TTC7A: variants seen among roughly 807,000 people sequenced by gnomAD.
The protein encoded by TTC7A is tetratricopeptide repeat protein 7A.
A neutral mutation model predicts 103.7 loss-of-function variants in TTC7A; 110 were observed. The ratio of observed to expected loss-of-function variants is 1.06; its 90% CI spans 0.91 to 1.24. The LOEUF (loss-of-function observed/expected upper bound fraction) is 1.24. Among genes scored for constraint, TTC7A ranks in the 50% most tolerant of loss-of-function variants. TTC7A has a pLI of 0.00. For synonymous variants in TTC7A, 521 were observed against 467.9 expected, an observed-to-expected ratio of 1.11 and a Z score of -1.47; for missense variants, 1,340 against 1,116.3, an observed-to-expected ratio of 1.20 and a Z score of -2.86.
At chr2:46,999,982 A>G (rs780172971) in intron 8 of TTC7A, 1 of 889,070 alleles carries the variant, frequency 1.1e-6, no homozygotes, top group Non-Finnish European at 1.3e-6. Flanking sequence ...TCTTGAATTT[A>G]CCATTCACAA....
At chr2:46,920,518 A>G (rs1046489891) in intron 2 of TTC7A, among the ~76,000 whole-genome samples, 1 of 151,874 alleles carries the variant, frequency 6.6e-6, no homozygotes, top group Non-Finnish European at 1.5e-5. Flanking sequence ...TTTAGTAGAG[A>G]TGGGGTTTCA....
At chr2:46,934,471 C>A (rs968940759) in intron 2 of TTC7A, among the ~76,000 whole-genome samples, 2 of 152,044 alleles carry the variant, frequency 1.3e-5, no homozygotes, top group African/African-American at 2.4e-5. Flanking sequence ...GTTGGCCAGG[C>A]TGGTCTTGAA....
chr2:47,030,578 C>G (rs969481114), intron 15 of TTC7A, among the ~76,000 whole-genome samples: 1 of 152,214 alleles, frequency 6.6e-6, no homozygotes, highest in African/African-American at 2.4e-5. Context: ...CCATAATGTG[C>G]CTCCCTGAAG....
upstream of TTC7A, among the ~76,000 whole-genome samples, chr2:46,938,938 G>C (rs1157013561): frequency 6.6e-6 from 1 of 151,744 alleles, no homozygotes; most frequent in African/African-American, 2.4e-5. Context: ...TTGAACCTGG[G>C]AGGCGGAGGT....
At chr2:47,016,254 A>C (rs753539669) in intron 11 of TTC7A, among the ~76,000 whole-genome samples, 1 of 152,226 alleles carries the variant, frequency 6.6e-6, no homozygotes, top group South Asian at 2.1e-4. Context: ...ATGTCCTTCA[A>C]TGCATCCTTT....
At chr2:46,983,706 C>T (rs185566565) in intron 5 of TTC7A, among the ~76,000 whole-genome samples, 1 of 152,240 alleles carries the variant, frequency 6.6e-6, no homozygotes, top group Non-Finnish European at 1.5e-5. Flanking sequence ...CACAGCCATG[C>T]CCCTTCATTT....
intron 19 of TTC7A, chr2:47,068,144 C>T (rs567056744): frequency 6.6e-6 from 1 of 152,160 alleles, no homozygotes; most frequent in African/African-American, 2.4e-5. Context: ...GAGGCCCTGA[C>T]CTACCGCCAT....
At chr2:47,070,964 T>C (rs9973596) in intron 19 of TTC7A, among the ~76,000 whole-genome samples, 129,634 of 152,186 alleles carry the variant, frequency 0.85, 55,336 homozygotes, top group East Asian at 0.95. Context: ...GTGGGGCACA[T>C]CCTCACCAGG....
intron 2 of TTC7A, among the ~76,000 whole-genome samples, chr2:46,934,168 AT>A (rs1238024961): frequency 6.6e-6 from 1 of 152,250 alleles, no homozygotes; most frequent in Non-Finnish European, 1.5e-5. Flanking sequence ...TGGCTTTACT[AT>A]TGCAGGAAAC....
At chr2:46,974,049 G>T (rs984103938) in intron 3 of TTC7A, among the ~76,000 whole-genome samples, 1 of 152,192 alleles carries the variant, frequency 6.6e-6, no homozygotes, top group Non-Finnish European at 1.5e-5. Flanking sequence ...AGGCTCAATC[G>T]TCCAAAGTGT....
intron 7 of TTC7A, among the ~76,000 whole-genome samples, chr2:46,994,858 T>A (rs905345916): frequency 6.6e-6 from 1 of 152,224 alleles, no homozygotes; most frequent in Admixed American, 6.5e-5. Flanking sequence ...GGCTTCTCCC[T>A]GCTTCTTGCC....
At chr2:47,046,526 G>A in intron 16 of TTC7A, 95 bp downstream of exon 16, 1 of 928,908 alleles carries the variant, frequency 1.1e-6, no homozygotes, top group Admixed American at 1.8e-5. Flanking sequence ...AAGATGGGGA[G>A]GAGAGTGAGG....
chr2:46,975,319 C>T (rs1673769883), intron 4 of TTC7A, among the ~76,000 whole-genome samples: 1 of 152,150 alleles, frequency 6.6e-6, no homozygotes, highest in Non-Finnish European at 1.5e-5. Context: ...ATAAATGAGT[C>T]CATGCCATCC....
At chr2:46,961,810 G>T (rs1003699888) in intron 3 of TTC7A, among the ~76,000 whole-genome samples, 10 of 152,196 alleles carry the variant, frequency 6.6e-5, no homozygotes, top group African/African-American at 2.4e-4. Flanking sequence ...AGCTACTTGG[G>T]AGGCTGGAGA....
intron 14 of TTC7A, among the ~76,000 whole-genome samples, chr2:47,025,781 C>T (rs778587651): frequency 6.6e-6 from 1 of 152,150 alleles, no homozygotes; most frequent in Non-Finnish European, 1.5e-5. Context: ...TCCCTCCATC[C>T]TCCTCCACCT....
chr2:47,060,799 A>G lies in TTC7A; in HGVS notation c.2183A>G (p.Lys728Arg), dbSNP rs143687375. The change falls in exon 19 of 20, where the codon AAG (lysine) becomes AGG (arginine). Residue 728 changes from lysine (K) to arginine (R), a missense_variant. Lys to Arg is a conservative substitution (Grantham distance 26). Transcript: ENST00000319190. ...AELFMEQQHL[K>R]EAGFCIQEAA... ...CTGTTCATGGAGCAGCAGCACCTCA[A>G]GGAAGCAGGTTTCTGCATCCAGGAG... is the stretch of plus-strand genomic sequence containing the variant. 2.8e-5 allele frequency: 45 copies of G among 1,612,278 alleles called. No homozygotes were observed. The highest frequency in any genetic ancestry group is 3.6e-5 in the Non-Finnish European group (43 of 1,178,772).
rs113587061 is a variant in TTC7A, at chr2:47,011,928, G to A, written c.1392+493G>A. ...CCTCCAGGGCCCTGCCCTGTGCTCC[G>A]CTGCCTGCTTACTGCTCTCTGCAGA... On this transcript the variant is annotated intron_variant, in intron 11 of 19. Coordinates refer to ENST00000319190, the MANE Select transcript of TTC7A (RefSeq NM_020458.4). Among the ~76,000 whole-genome samples, 206 of 152,334 alleles carry A rather than the reference G, an allele frequency of 1.4e-3. 1 individual carries two copies. The highest frequency in any genetic ancestry group is 0.01 in the Middle Eastern group (3 of 294).
At chr2:47,003,773 G>A (rs1023408413) in intron 8 of TTC7A, among the ~76,000 whole-genome samples, 1 of 152,224 alleles carries the variant, frequency 6.6e-6, no homozygotes, top group Non-Finnish European at 1.5e-5. Context: ...CCCATGGGCA[G>A]GGCCTCTGTG....
intron 15 of TTC7A, among the ~76,000 whole-genome samples, chr2:47,037,417 G>A (rs1003054951): frequency 2.0e-5 from 3 of 152,230 alleles, no homozygotes; most frequent in Non-Finnish European, 2.9e-5. Flanking sequence ...CACAGCCAGA[G>A]TACTGTCACA....
Sources: allele counts gnomAD v4.1 joint callset (sites outside exome capture counted in the v4.1 genomes callset), GRCh38; gene constraint gnomAD v4.1.1; transcripts MANE v1.5; gene names NCBI Gene and HGNC (gene_info 2026-07-23, HGNC 2026-07-21).